L3HYPDH: variants seen among roughly 807,000 people sequenced by gnomAD.
The protein encoded by L3HYPDH is trans-3-hydroxy-L-proline dehydratase.
L3HYPDH carries 32 observed loss-of-function variants against 26.5 expected under a neutral mutation model. The observed-to-expected ratio is 1.21, with a 90% confidence interval of 0.91 to 1.62. The LOEUF is 1.62. Among genes scored for constraint, L3HYPDH ranks in the 40% most tolerant of loss-of-function variants. L3HYPDH has a pLI of 0.00. For missense variants in L3HYPDH, 554 were observed against 476.4 expected (o/e 1.16, Z -1.52); for synonymous variants, 215 against 196.6 (o/e 1.09, Z -0.78).
chr14:59,488,723 T>C (rs540134084), upstream of L3HYPDH, among the ~76,000 whole-genome samples: 60 of 152,336 alleles, frequency 3.9e-4, no homozygotes, highest in African/African-American at 1.4e-3. Context: ...TTCCTCCAAC[T>C]TCTCAGGATC....
the L3HYPDH span, among the ~76,000 whole-genome samples, chr14:59,492,847 G>T: frequency 6.6e-6 from 1 of 150,418 alleles, no homozygotes; most frequent in Admixed American, 6.6e-5. Context: ...GCCCAGGCTG[G>T]AGTGCGGTGG....
At chr14:59,476,343 C>T in intron 2 of L3HYPDH, 129 bp from the exon 3 acceptor site, 8 of 661,946 alleles carry the variant, frequency 1.2e-5, no homozygotes, top group South Asian at 4.4e-5. Context: ...TTTTGGGCAA[C>T]GTATACTAAT....
At chr14:59,493,437 G>A in the L3HYPDH span, among the ~76,000 whole-genome samples, 1 of 152,140 alleles carries the variant, frequency 6.6e-6, no homozygotes, top group Admixed American at 6.5e-5. Context: ...GAACTGCCCA[G>A]TTGAGCCCAG....
the L3HYPDH span, among the ~76,000 whole-genome samples, chr14:59,499,953 A>G: frequency 6.6e-6 from 1 of 152,158 alleles, no homozygotes; most frequent in Non-Finnish European, 1.5e-5. Flanking sequence ...GCTCTAGGGA[A>G]TAGGGACCTG....
rs1890318059 is a variant in L3HYPDH, at chr14:59,484,284, G to A, written c.33C>T (p.Pro11=). 6.3e-7 allele frequency: 1 copy of A among 1,593,302 alleles called. No individual in the cohort carries two copies. The highest frequency in any genetic ancestry group is 8.5e-7 in the Non-Finnish European group (1 of 1,177,198). MESALAVPRL[P]PHDPGTPVLS... Reference sequence around the variant, plus strand: ...GCACCGGCGTCCCTGGATCATGCGGGGGCAGCCGGGGCACCGCCAGCGCGC... The same window carrying A: ...GCACCGGCGTCCCTGGATCATGCGGAGGCAGCCGGGGCACCGCCAGCGCGC... The change falls in exon 1 of 5, where the codon CCC becomes CCT. Residue 11 remains proline (P), a synonymous_variant. Coordinates refer to ENST00000247194, the MANE Select transcript of L3HYPDH (RefSeq NM_144581.2).
chr14:59,495,707 G>T, the L3HYPDH span, among the ~76,000 whole-genome samples: 1 of 151,980 alleles, frequency 6.6e-6, no homozygotes, highest in African/African-American at 2.4e-5. Flanking sequence ...GATATTTTTT[G>T]GGGGAAAGGG....
chr14:59,492,155 G>A, the L3HYPDH span, among the ~76,000 whole-genome samples: 1 of 152,034 alleles, frequency 6.6e-6, no homozygotes, highest in Non-Finnish European at 1.5e-5. Flanking sequence ...TAAGGATGTA[G>A]TCACAAGCTG....
chr14:59,476,276 T>C (rs1889625720), intron 2 of L3HYPDH, 62 bp from the exon 3 acceptor site: 1 of 1,232,748 alleles, frequency 8.1e-7, no homozygotes, highest in Non-Finnish European at 1.1e-6. Context: ...TTATAAATAA[T>C]GCAGATGGGT....
At position 59,484,012 on chromosome 14, in the gene L3HYPDH, G is replaced by A; in HGVS notation, c.305C>T (p.Ser102Phe). The change falls in exon 1 of 5, where the codon TCC becomes TTC. Residue 102 changes from serine to phenylalanine, a missense_variant. Physicochemically the swap from Ser to Phe is radical, Grantham distance 155. Transcript: ENST00000247194. Reference protein sequence around the residue: ...VLFLHNEGYSSMCGHAVLALG... With the variant: ...VLFLHNEGYSFMCGHAVLALG... ...CGCCAGCACTGCGTGGCCGCACATG[G>A]AGCTGTAGCCCTCGTTGTGCAGGAA... 6.2e-7 allele frequency: 1 copy of A among 1,601,622 alleles called. No homozygotes were observed. The highest frequency in any genetic ancestry group is 8.5e-7 in the Non-Finnish European group (1 of 1,178,138).
chr14:59,495,249 T>C, the L3HYPDH span: 2 of 1,468,716 alleles, frequency 1.4e-6, no homozygotes, highest in Non-Finnish European at 1.9e-6. Context: ...CGACTTAAGA[T>C]CATTGTTTTT....
rs2139840117 is a variant in L3HYPDH at position 59,483,913 on chromosome 14, A to G, written c.404T>C (p.Ile135Thr). 6.4e-7 allele frequency: 1 copy of G among 1,559,332 alleles called. No homozygotes were observed. The highest frequency in any genetic ancestry group is 2.4e-5 in the East Asian group (1 of 42,224). Residue 135 changes from isoleucine (I) to threonine (T), a missense_variant, in exon 1 of 5, where the codon ATC becomes ACC. By Grantham distance (89) the Ile-to-Thr change is moderately conservative. Transcript: ENST00000247194. ...GGTCACCAGCCCGCAGGGGCAGTGGATATTGACGCGGGCCTCGCGGGTGCC... is the reference window on the plus strand; with the variant it reads ...GGTCACCAGCCCGCAGGGGCAGTGGGTATTGACGCGGGCCTCGCGGGTGCC... The part of the protein sequence containing the change: ...PAGTREARVN[I>T]HCPCGLVTAF...
At chr14:59,478,030 G>C (rs1889759932) in intron 2 of L3HYPDH, among the ~76,000 whole-genome samples, 1 of 152,084 alleles carries the variant, frequency 6.6e-6, no homozygotes, top group Non-Finnish European at 1.5e-5. Context: ...GTAAAAACTA[G>C]AGTTATTTAA....
downstream of L3HYPDH, among the ~76,000 whole-genome samples, chr14:59,469,727 G>A (rs1333168707): frequency 6.6e-6 from 1 of 152,252 alleles, no homozygotes; most frequent in African/African-American, 2.4e-5. Flanking sequence ...GGTGGATGGT[G>A]GTGCCATTAA....
downstream of L3HYPDH, among the ~76,000 whole-genome samples, chr14:59,469,133 G>T (rs1889255557): frequency 6.6e-6 from 1 of 152,184 alleles, no homozygotes; most frequent in South Asian, 2.1e-4. Context: ...TCAGTTTTCA[G>T]ACCTTATGTC....
At chr14:59,470,229 G>A (rs1015277471), downstream of L3HYPDH, among the ~76,000 whole-genome samples, 2 of 152,094 alleles carry the variant, frequency 1.3e-5, no homozygotes, top group African/African-American at 4.8e-5. Context: ...AATTAAAATA[G>A]GCTCATCCAA....
the L3HYPDH span, chr14:59,498,710 T>C: frequency 7.7e-7 from 1 of 1,299,880 alleles, no homozygotes; most frequent in East Asian, 2.5e-5. Context: ...TTACAAATTC[T>C]TTATTTTATT....
In L3HYPDH at chr14:59,476,075, C is replaced by G; in HGVS notation, c.801+17G>C. 1 of 1,613,774 alleles carries G rather than the reference C, an allele frequency of 6.2e-7. No homozygotes were observed. The highest frequency in any genetic ancestry group is 8.5e-7 in the Non-Finnish European group (1 of 1,179,846). On this transcript the variant is annotated intron_variant, in intron 3 of 4. Coordinates refer to ENST00000247194, the MANE Select transcript of L3HYPDH (RefSeq NM_144581.2). ...ATATTACCTGGCTTTTGTCCCTAAA[C>G]ATTACAGTTTTAATACCTGTTCATC...
rs1889356020 is a variant in L3HYPDH, at chr14:59,472,772, T to C, written c.*193A>G. 2 of 439,384 alleles carry C rather than the reference T, an allele frequency of 4.6e-6. No homozygotes were observed. The highest frequency in any genetic ancestry group is 7.3e-5 in the East Asian group (2 of 27,380). 27.2% of individuals were successfully genotyped at this position (439,384 alleles called of 1,614,324 possible). On this transcript the variant is annotated 3_prime_UTR_variant, in exon 5 of 5. Coordinates refer to ENST00000247194, the MANE Select transcript of L3HYPDH (RefSeq NM_144581.2). ...TTTCTGGCATTTTGTATGCTAGACA[T>C]AAGTGATATTTATACAAATACAGTT...
At chr14:59,489,887 T>A in the L3HYPDH span, among the ~76,000 whole-genome samples, 1 of 113,524 alleles carries the variant, frequency 8.8e-6, no homozygotes, top group African/African-American at 4.0e-5. Flanking sequence ...TACCTCTTTC[T>A]TTCATTTTTT....
Sources: gnomAD v4.1 joint callset for allele counts (sites outside exome capture counted in the v4.1 genomes callset) on GRCh38, gnomAD v4.1.1 for gene constraint, MANE v1.5 for transcripts, NCBI Gene and HGNC (gene_info 2026-07-23, HGNC 2026-07-21) for gene names.